The following MRTFA variants were observed in gnomAD, a reference collection of about 807,000 sequenced individuals.
MRTFA encodes the protein myocardin-related transcription factor A.
MRTFA carries 20 observed loss-of-function variants against 83.5 expected under a neutral mutation model. The ratio of observed to expected loss-of-function variants is 0.24; its 90% confidence interval spans 0.17 to 0.35. The LOEUF is 0.35. MRTFA is among the 10% of genes least tolerant of loss of function. MRTFA has a pLI of 1.00. For synonymous variants in MRTFA, 659 were observed against 541.2 expected (o/e 1.22, Z -3.02); for missense variants, 1,200 against 1,224.7 (o/e 0.98, Z 0.30).
intron 3 of MRTFA, among the ~76,000 whole-genome samples, chr22:40,481,256 G>A (rs957883538): frequency 6.6e-6 from 1 of 152,156 alleles, no homozygotes; most frequent in Admixed American, 6.5e-5. Context: ...CAAAAGCAGA[G>A]AGCATTTGCT....
chr22:40,418,924 G>T lies in MRTFA; in HGVS notation c.1814C>A (p.Ala605Asp). The change falls in exon 12 of 15, where the codon GCC (alanine) becomes GAC (aspartate). Residue 605 changes from alanine to aspartate, a missense_variant. Around this residue, in one of 2 missense-constraint regions of MRTFA, gnomAD observed 1,107 missense variants for 1,041.8 expected, o/e 1.06. Coordinates refer to ENST00000355630, the MANE Select transcript of MRTFA (RefSeq NM_020831.6). ...CCCAGGGCTCAGGCAACAGGACCCG[G>T]CCCGGGGGCCCTCCTCCTTCACGAG... The T allele has an allele frequency of 6.2e-7, 1 of 1,612,798 alleles. No individual in the cohort carries two copies. The highest frequency in any genetic ancestry group is 8.5e-7 in the Non-Finnish European group (1 of 1,179,932).
At chr22:40,635,435 T>C (rs73887843) in intron 1 of MRTFA, among the ~76,000 whole-genome samples, 3,776 of 152,310 alleles carry the variant, frequency 0.025, 160 homozygotes, top group African/African-American at 0.086. Flanking sequence ...AGACGTCTTA[T>C]GAGTTTAAAA....
At chr22:40,515,786 G>GAT (rs1276854394) in intron 3 of MRTFA, among the ~76,000 whole-genome samples, 1 of 152,140 alleles carries the variant, frequency 6.6e-6, no homozygotes, top group African/African-American at 2.4e-5. Context: ...TGCAGGACTA[G>GAT]ATATTATTTA....
chr22:40,421,987 A>G (rs2052850163), intron 9 of MRTFA, among the ~76,000 whole-genome samples: 1 of 152,206 alleles, frequency 6.6e-6, no homozygotes, highest in Admixed American at 6.5e-5. Flanking sequence ...TGATCACAGA[A>G]GAGGTTCTGG....
chr22:40,506,335 C>A (rs2054580744), intron 3 of MRTFA, among the ~76,000 whole-genome samples: 2 of 152,094 alleles, frequency 1.3e-5, no homozygotes, highest in African/African-American at 4.8e-5. Context: ...GATCTGCTTC[C>A]CACTGTAGTG....
At chr22:40,587,439 C>T (rs1209051690) in intron 2 of MRTFA, 1 of 343,868 alleles carries the variant, frequency 2.9e-6, no homozygotes, top group Admixed American at 4.1e-5. Context: ...CCCTTGCCAG[C>T]TCTCATTTGC....
intron 3 of MRTFA, 167 bp from the exon 4 acceptor site, chr22:40,463,453 CAG>C (rs1024013955): frequency 2.9e-5 from 17 of 595,102 alleles, no homozygotes; most frequent in Admixed American, 1.8e-4. Context: ...CCTGATACAG[CAG>C]AGTTTCCGTA....
chr22:40,451,961 GTT>G (rs66904067), intron 4 of MRTFA, among the ~76,000 whole-genome samples: 74 of 112,664 alleles, frequency 6.6e-4, no homozygotes, highest in African/African-American at 1.2e-3. Flanking sequence ...CCTGGCTGAA[GTT>G]TTTTTTTTTT....
intron 3 of MRTFA, among the ~76,000 whole-genome samples, chr22:40,548,651 G>A (rs1327577991): frequency 1.9e-4 from 29 of 152,052 alleles, no homozygotes. Context: ...ACAAGGTCAA[G>A]AGATCATCAA....
intron 2 of MRTFA, among the ~76,000 whole-genome samples, chr22:40,584,769 GCA>G (rs1238656954): frequency 6.7e-6 from 1 of 150,236 alleles, no homozygotes; most frequent in Non-Finnish European, 1.5e-5. Context: ...CTTGAGCTGG[GCA>G]CAGTGGCTCA....
intron 1 of MRTFA, among the ~76,000 whole-genome samples, chr22:40,612,460 T>C (rs1025290558): frequency 6.6e-6 from 1 of 152,218 alleles, no homozygotes; most frequent in Non-Finnish European, 1.5e-5. Flanking sequence ...TGTTAAGAAC[T>C]GGCTACCTCA....
intron 2 of MRTFA, among the ~76,000 whole-genome samples, chr22:40,575,038 T>C (rs918790545): frequency 3.9e-5 from 6 of 152,186 alleles, no homozygotes; most frequent in Non-Finnish European, 5.9e-5. Context: ...CGAGGCAGTA[T>C]TGTGTGTTAG....
chr22:40,463,174 A>G (rs755652909), intron 4 of MRTFA, 47 bp downstream of exon 4: 19 of 1,519,442 alleles, frequency 1.3e-5, no homozygotes, highest in Non-Finnish European at 1.7e-5. Flanking sequence ...GAACACAGCC[A>G]TGTCCTAAAA....
Position 40,459,830 on chromosome 22 carries a change from CATATATAT to C in MRTFA, c.307+3383_307+3390del, listed in dbSNP as rs55885079. On this transcript the variant is annotated intron_variant, in intron 4 of 14. Coordinates refer to ENST00000355630, the MANE Select transcript of MRTFA (RefSeq NM_020831.6). ...ACACACACACACACACACATATATA[CATATATAT>C]ATATATATATATATATATATATATA... is the stretch of plus-strand genomic sequence containing the variant. Among the ~76,000 whole-genome samples the C allele has an allele frequency of 2.5e-3, 214 of 86,940 alleles. 4 individuals are homozygous for C. The highest frequency in any genetic ancestry group is 7.8e-3 in the African/African-American group (159 of 20,442). 57.0% of individuals were successfully genotyped at this position (86,940 alleles called of 152,430 possible). A position where few individuals can be genotyped will look rare whatever the true frequency, so the allele number is the denominator to read the frequency against.
At chr22:40,634,094 A>ATT (rs149996138) in intron 1 of MRTFA, among the ~76,000 whole-genome samples, 22 of 144,502 alleles carry the variant, frequency 1.5e-4, no homozygotes, top group Admixed American at 7.0e-4. Flanking sequence ...ATTTATCAGG[A>ATT]TTTTTTTTTT....
chr22:40,571,668 C>T (rs753610420), intron 2 of MRTFA, among the ~76,000 whole-genome samples: 12 of 151,840 alleles, frequency 7.9e-5, no homozygotes, highest in African/African-American at 1.5e-4. Context: ...AATATAATCC[C>T]GGCACTTTGA....
chr22:40,470,275 AT>A (rs2053884788), intron 3 of MRTFA, among the ~76,000 whole-genome samples: 3 of 120,394 alleles, frequency 2.5e-5, no homozygotes, highest in Non-Finnish European at 3.4e-5. Context: ...ATATATATAT[AT>A]ATATAAAGAA....
At chr22:40,491,108 TGAGGCGG>T (rs1758259196) in intron 3 of MRTFA, among the ~76,000 whole-genome samples, 1 of 152,148 alleles carries the variant, frequency 6.6e-6, no homozygotes, top group South Asian at 2.1e-4. Flanking sequence ...TTTGGGAGGA[TGAGGCGG>T]GAGGATCGCT....
intron 7 of MRTFA, among the ~76,000 whole-genome samples, chr22:40,425,947 G>A (rs2052945150): frequency 6.6e-6 from 1 of 152,196 alleles, no homozygotes; most frequent in South Asian, 2.1e-4. Context: ...TGCCCTCCAG[G>A]AGTTTATGGT....
Sources: allele counts gnomAD v4.1 joint callset (sites outside exome capture counted in the v4.1 genomes callset), GRCh38; gene constraint gnomAD v4.1.1; regional missense constraint gnomAD v4.1.1; transcripts MANE v1.5; gene names NCBI Gene and HGNC (gene_info 2026-07-23, HGNC 2026-07-21).